The following KCNH5 variants were observed in gnomAD, a reference collection of about 807,000 sequenced individuals.
KCNH5 encodes potassium voltage-gated channel subfamily H member 5.
A neutral mutation model predicts 96.1 loss-of-function variants in KCNH5; 46 were observed. The observed-to-expected ratio is 0.48, with a 90% confidence interval of 0.38 to 0.61. The LOEUF (loss-of-function observed/expected upper bound fraction) is 0.61, where lower values mean the gene tolerates loss of function less well. KCNH5 is among the 20% of genes least tolerant of loss of function. KCNH5 has a pLI of 0.00. For missense variants in KCNH5, 907 were observed against 1,225.8 expected, an observed-to-expected ratio of 0.74 and a Z score of 3.88; for synonymous variants, 439 against 449.8, an observed-to-expected ratio of 0.98 and a Z score of 0.30.
intron 3 of KCNH5, among the ~76,000 whole-genome samples, chr14:63,002,169 T>TC (rs1287866268): frequency 2.6e-5 from 4 of 151,992 alleles, no homozygotes. Context: ...GCTGCCTACC[T>TC]CCCTCACTTA....
chr14:62,888,587 T>C (rs1056168520), intron 7 of KCNH5, among the ~76,000 whole-genome samples: 1 of 152,182 alleles, frequency 6.6e-6, no homozygotes, highest in Non-Finnish European at 1.5e-5. Context: ...CATATATTCC[T>C]ATAAGACTCT....
chr14:62,906,183 G>C (rs1465829949), intron 7 of KCNH5, among the ~76,000 whole-genome samples: 2 of 152,128 alleles, frequency 1.3e-5, no homozygotes, highest in Non-Finnish European at 2.9e-5. Flanking sequence ...CTTTGGTTAG[G>C]AAAGATGAGC....
At chr14:62,766,907 C>T (rs1885873269) in intron 10 of KCNH5, among the ~76,000 whole-genome samples, 2 of 152,116 alleles carry the variant, frequency 1.3e-5, no homozygotes, top group South Asian at 4.2e-4. Context: ...GATTATTTCA[C>T]ATTGCATGCC....
chr14:63,000,220 A>C (rs1432191428), intron 4 of KCNH5, among the ~76,000 whole-genome samples: 1 of 152,218 alleles, frequency 6.6e-6, no homozygotes, highest in Admixed American at 6.5e-5. Flanking sequence ...TTTCTATGCC[A>C]GTTTTTTAAA....
At chr14:62,866,301 C>A (rs549522406) in intron 7 of KCNH5, among the ~76,000 whole-genome samples, 1 of 152,252 alleles carries the variant, frequency 6.6e-6, no homozygotes, top group Admixed American at 6.5e-5. Flanking sequence ...ATTATCCCCA[C>A]CTTTCTAATT....
At chr14:63,027,702 A>C (rs1891551270) in intron 1 of KCNH5, among the ~76,000 whole-genome samples, 1 of 152,038 alleles carries the variant, frequency 6.6e-6, no homozygotes, top group Non-Finnish European at 1.5e-5. Flanking sequence ...TTTTAAGAAA[A>C]GTATTGCAAT....
At chr14:62,991,655 T>C (rs944093871) in intron 4 of KCNH5, among the ~76,000 whole-genome samples, 5 of 152,070 alleles carry the variant, frequency 3.3e-5, no homozygotes, top group African/African-American at 4.8e-5. Flanking sequence ...ATGAGCTTTC[T>C]GAGCTACTCA....
At chr14:62,909,204 C>G (rs1421637753) in intron 7 of KCNH5, among the ~76,000 whole-genome samples, 1 of 150,300 alleles carries the variant, frequency 6.7e-6, no homozygotes, top group African/African-American at 2.5e-5. Context: ...CGCCACTACG[C>G]CCGGCTAATT....
intron 9 of KCNH5, among the ~76,000 whole-genome samples, chr14:62,782,474 C>A (rs992011040): frequency 1.1e-4 from 16 of 152,178 alleles, no homozygotes; most frequent in African/African-American, 3.6e-4. Context: ...AGCAAATTAA[C>A]AACCTAATAA....
At chr14:62,964,342 T>C (rs1333971416) in intron 6 of KCNH5, among the ~76,000 whole-genome samples, 1 of 152,078 alleles carries the variant, frequency 6.6e-6, no homozygotes, top group African/African-American at 2.4e-5. Flanking sequence ...AATCCTAACC[T>C]AACAGCGGCA....
intron 10 of KCNH5, among the ~76,000 whole-genome samples, chr14:62,735,039 C>T (rs1885128341): frequency 1.3e-5 from 2 of 152,008 alleles, no homozygotes; most frequent in Non-Finnish European, 2.9e-5. Context: ...AGCAGGCAAG[C>T]CTAGATATAT....
At chr14:62,797,907 G>A (rs1230762152) in intron 9 of KCNH5, among the ~76,000 whole-genome samples, 2 of 151,778 alleles carry the variant, frequency 1.3e-5, no homozygotes, top group East Asian at 3.9e-4. Context: ...AGTAGAGATG[G>A]GGTTTCACCA....
chr14:62,975,213 T>C (rs980324040), intron 6 of KCNH5, among the ~76,000 whole-genome samples: 1 of 152,136 alleles, frequency 6.6e-6, no homozygotes, highest in African/African-American at 2.4e-5. Flanking sequence ...GAAAAAAATA[T>C]TTTTAACTAT....
intron 7 of KCNH5, among the ~76,000 whole-genome samples, chr14:62,882,011 C>T (rs1024795223): frequency 8.6e-5 from 13 of 150,762 alleles, no homozygotes. Flanking sequence ...TGCCTGTAAT[C>T]CCAGCACTTT....
At chr14:62,785,497 A>G (rs995125116) in intron 9 of KCNH5, among the ~76,000 whole-genome samples, 1 of 152,216 alleles carries the variant, frequency 6.6e-6, no homozygotes, top group African/African-American at 2.4e-5. Flanking sequence ...GCTGGGTACA[A>G]GTAGTCTCTG....
At chr14:62,728,225 C>CA (rs5809166) in intron 10 of KCNH5, among the ~76,000 whole-genome samples, 16,057 of 144,406 alleles carry the variant, frequency 0.11, 1,392 homozygotes, top group African/African-American at 0.24. Flanking sequence ...TATTAAACTA[C>CA]AAAAAAAAAA....
chr14:62,734,571 C>T (rs1011894411), intron 10 of KCNH5, among the ~76,000 whole-genome samples: 3 of 152,096 alleles, frequency 2.0e-5, no homozygotes, highest in South Asian at 2.1e-4. Flanking sequence ...CTCCTCTTGC[C>T]CCTATTTACC....
At chr14:62,982,849 A>T (rs1354829202) in intron 5 of KCNH5, among the ~76,000 whole-genome samples, 9 of 152,160 alleles carry the variant, frequency 5.9e-5, no homozygotes, top group Non-Finnish European at 5.9e-5. Flanking sequence ...TGTATTTGCC[A>T]TTATCAGTAC....
At chr14:62,779,672 C>T in intron 10 of KCNH5, 56 bp downstream of exon 10, 1 of 1,409,694 alleles carries the variant, frequency 7.1e-7, no homozygotes, top group South Asian at 1.5e-5. Context: ...GCTAATAGAG[C>T]TGAATTAATT....
Sources: allele counts gnomAD v4.1 joint callset (sites outside exome capture counted in the v4.1 genomes callset), GRCh38; gene constraint gnomAD v4.1.1; transcripts MANE v1.5; gene names NCBI Gene and HGNC (gene_info 2026-07-23, HGNC 2026-07-21).